Variants in PTPRT observed in about 807,000 individuals in gnomAD.
PTPRT encodes the protein receptor-type tyrosine-protein phosphatase T.
In PTPRT, 56 loss-of-function variants were observed where a neutral mutation model predicts 176.8. The ratio of observed to expected loss-of-function variants is 0.32; its 90% CI spans 0.26 to 0.40. The LOEUF (loss-of-function observed/expected upper bound fraction) is 0.40, where lower values mean the gene tolerates loss of function less well. Ranked by LOEUF, PTPRT falls within the 10% of genes least tolerant of loss-of-function variation. The probability of loss-of-function intolerance (pLI) is 1.00; values close to 1 mark genes in which losing one functional copy is unlikely to be tolerated. For missense variants in PTPRT, 1,540 were observed against 1,908.2 expected (o/e 0.81, Z 3.60); for synonymous variants, 783 against 739.0 (o/e 1.06, Z -0.96).
At chr20:42,192,445 C>A (rs544191410) in intron 16 of PTPRT, among the ~76,000 whole-genome samples, 1 of 152,304 alleles carries the variant, frequency 6.6e-6, no homozygotes, top group South Asian at 2.1e-4. Flanking sequence ...TCTACTGAAC[C>A]ATCCCAAGGG....
At chr20:42,640,555 A>G (rs2074720154) in intron 7 of PTPRT, among the ~76,000 whole-genome samples, 1 of 151,846 alleles carries the variant, frequency 6.6e-6, no homozygotes, top group Admixed American at 6.6e-5. Context: ...TGCCCAGCTA[A>G]TTTTTTTATT....
intron 9 of PTPRT, among the ~76,000 whole-genome samples, chr20:42,400,610 A>C (rs2058896032): frequency 6.6e-6 from 1 of 152,032 alleles, no homozygotes. Flanking sequence ...AGAGAGTATG[A>C]AGGAACATCC....
At chr20:43,117,972 C>T (rs1013012882) in intron 1 of PTPRT, among the ~76,000 whole-genome samples, 17 of 152,148 alleles carry the variant, frequency 1.1e-4, no homozygotes, top group Non-Finnish European at 1.5e-5. Flanking sequence ...TTGGGTCTAT[C>T]CTCTTTCATG....
At chr20:42,337,565 G>A (rs1248668230) in intron 11 of PTPRT, among the ~76,000 whole-genome samples, 1 of 152,172 alleles carries the variant, frequency 6.6e-6, no homozygotes, top group African/African-American at 2.4e-5. Context: ...GTGACTTTGA[G>A]TGTGTATGAC....
intron 9 of PTPRT, among the ~76,000 whole-genome samples, chr20:42,405,124 A>T (rs2058948137): frequency 1.3e-5 from 2 of 151,214 alleles, no homozygotes; most frequent in Non-Finnish European, 2.9e-5. Context: ...CAAATTGTTC[A>T]TTTGGCTAAA....
At chr20:43,065,369 T>C (rs995818936) in intron 1 of PTPRT, among the ~76,000 whole-genome samples, 3 of 152,224 alleles carry the variant, frequency 2.0e-5, no homozygotes, top group African/African-American at 7.2e-5. Flanking sequence ...AAGTGGTATT[T>C]GTACATAACT....
intron 27 of PTPRT, among the ~76,000 whole-genome samples, chr20:42,091,243 G>T (rs1388171727): frequency 6.6e-6 from 1 of 152,166 alleles, no homozygotes; most frequent in East Asian, 1.9e-4. Context: ...TGGCTGTTTG[G>T]GCCATGAAAA....
At chr20:43,037,227 T>G (rs1279609950) in intron 1 of PTPRT, among the ~76,000 whole-genome samples, 1 of 152,230 alleles carries the variant, frequency 6.6e-6, no homozygotes, top group African/African-American at 2.4e-5. Flanking sequence ...ATGAAACATA[T>G]GCAAATTTTA....
At chr20:42,197,375 T>TC (rs1991268495) in intron 16 of PTPRT, among the ~76,000 whole-genome samples, 1 of 12,266 alleles carries the variant, frequency 8.2e-5, no homozygotes, top group Non-Finnish European at 1.8e-4. Flanking sequence ...TGAGACTCCA[T>TC]CAAAAAAAAA....
intron 7 of PTPRT, among the ~76,000 whole-genome samples, chr20:42,571,131 G>C (rs1469552592): frequency 8.5e-5 from 13 of 152,202 alleles, no homozygotes; most frequent in Admixed American, 8.5e-4. Context: ...TTGGTAGAAA[G>C]CTGGGCAAAT....
intron 7 of PTPRT, among the ~76,000 whole-genome samples, chr20:42,497,531 C>T (rs2071676469): frequency 6.6e-6 from 1 of 152,038 alleles, no homozygotes; most frequent in Non-Finnish European, 1.5e-5. Flanking sequence ...GATCCTCCTG[C>T]CTCAGACTTC....
chr20:42,418,678 C>T (rs2059088157), intron 9 of PTPRT, among the ~76,000 whole-genome samples: 1 of 152,108 alleles, frequency 6.6e-6, no homozygotes, highest in East Asian at 1.9e-4. Context: ...GATGGGTTCC[C>T]AGGCTCTCAG....
chr20:42,042,177 C>A, the PTPRT span, among the ~76,000 whole-genome samples: 2 of 152,200 alleles, frequency 1.3e-5, no homozygotes, highest in Non-Finnish European at 2.9e-5. Context: ...TGTGGAGTGA[C>A]CCAGAGTGGA....
chr20:42,594,600 G>C (rs945942190), intron 7 of PTPRT, among the ~76,000 whole-genome samples: 8 of 152,150 alleles, frequency 5.3e-5, no homozygotes, highest in Non-Finnish European at 1.0e-4. Flanking sequence ...TTGCCTGAGA[G>C]ATGTGCACAG....
chr20:42,330,948 T>A (rs1002400244), intron 11 of PTPRT, among the ~76,000 whole-genome samples: 1 of 152,346 alleles, frequency 6.6e-6, no homozygotes, highest in African/African-American at 2.4e-5. Flanking sequence ...AGGTCCCAAC[T>A]TATTTCATTT....
At chr20:42,613,844 A>G (rs2074016958) in intron 7 of PTPRT, among the ~76,000 whole-genome samples, 2 of 152,136 alleles carry the variant, frequency 1.3e-5, no homozygotes, top group Non-Finnish European at 2.9e-5. Flanking sequence ...TCTCTTTAAT[A>G]ATACTTTTAG....
At chr20:42,603,499 G>A (rs1261563379) in intron 7 of PTPRT, among the ~76,000 whole-genome samples, 2 of 152,164 alleles carry the variant, frequency 1.3e-5, no homozygotes, top group East Asian at 3.9e-4. Flanking sequence ...CAGGAGAATA[G>A]AAGGAGATGA....
chr20:42,393,169 T>C (rs1272126777), intron 9 of PTPRT, among the ~76,000 whole-genome samples: 2 of 152,202 alleles, frequency 1.3e-5, no homozygotes, highest in Admixed American at 1.3e-4. Flanking sequence ...GTCTTAGGAC[T>C]TTCTTCAGGG....
In PTPRT at chr20:43,051,259, T is replaced by C. The variant is rs1987030845; in HGVS notation, c.88+138387A>G. 2.0e-5 allele frequency among the ~76,000 whole-genome samples: 3 copies of C among 152,322 alleles called. No homozygotes were observed. In the South Asian group the frequency reaches 6.2e-4, roughly 32 times the overall value. On this transcript the variant is annotated intron_variant, in intron 1 of 30. Coordinates refer to ENST00000373187, the MANE Select transcript of PTPRT (RefSeq NM_007050.6). ...TTCTTTTGCTAACTCCAGTTTGAAT[T>C]GGGTCTCTTGCCACAAAGGTCCTGT...
Sources: allele counts gnomAD v4.1 joint callset (sites outside exome capture counted in the v4.1 genomes callset), GRCh38; gene constraint gnomAD v4.1.1; transcripts MANE v1.5; gene names NCBI Gene and HGNC (gene_info 2026-07-23, HGNC 2026-07-21).